Variants in URB1 observed in about 807,000 individuals in gnomAD.
URB1 encodes URB1 ribosome biogenesis factor.
Under a neutral mutation model 242.3 loss-of-function variants are expected in URB1, and 197 were observed. The observed-to-expected ratio is 0.81, with a 90% CI of 0.72 to 0.91. The LOEUF (loss-of-function observed/expected upper bound fraction) is 0.91. Ranked by LOEUF, URB1 falls within the 40% of genes least tolerant of loss-of-function variation. URB1 has a pLI of 0.00. For synonymous variants in URB1, 1,153 were observed against 1,201.8 expected (o/e 0.96, Z 0.84); for missense variants, 2,721 against 2,860.5 (o/e 0.95, Z 1.11).
Position 32,350,746 on chromosome 21 carries a change from C to T in URB1, c.2790G>A (p.Gln930=). 6.4e-7 allele frequency: 1 copy of T among 1,551,530 alleles called. No individual in the cohort carries two copies. The highest frequency in any genetic ancestry group is 8.7e-7 in the Non-Finnish European group (1 of 1,147,012). The change falls in exon 20 of 39, where the codon CAG becomes CAA. Residue 930 remains glutamine, a synonymous_variant. Transcript: ENST00000382751. Reference sequence around the variant, plus strand: ...CAGTGCTCCGCAGGTAGAGCAACACCTGCTTGGCCGCGAGCAGGACCTGCT... The same window carrying T: ...CAGTGCTCCGCAGGTAGAGCAACACTTGCTTGGCCGCGAGCAGGACCTGCT... ...SMQQVLLAAK[Q]VLLYLRSTVE... is the part of the protein sequence containing the mutation.
In URB1 at chr21:32,341,448, A is replaced by G; in HGVS notation, c.4316+18T>C. The G allele has an allele frequency of 6.4e-7, 1 of 1,551,280 alleles. No individual in the cohort carries two copies. Among genetic ancestry groups the G allele is most frequent in the East Asian group, 2.4e-5 (1 of 40,926 alleles). On this transcript the variant is annotated intron_variant, in intron 25 of 38. Coordinates refer to ENST00000382751, the MANE Select transcript of URB1 (RefSeq NM_014825.3). Reference sequence around the variant, plus strand: ...CACACCTTTACCGAAGGGCACCAAGAAAATAAAATCAACTTACTTGAGTCC... The same window carrying G: ...CACACCTTTACCGAAGGGCACCAAGGAAATAAAATCAACTTACTTGAGTCC...
intron 8 of URB1, among the ~76,000 whole-genome samples, chr21:32,372,093 G>A (rs1194766287): frequency 6.6e-6 from 1 of 152,168 alleles, no homozygotes; most frequent in Non-Finnish European, 1.5e-5. Context: ...ACCAGTGTAA[G>A]TGTCTCGACC....
At chr21:32,325,157 C>T (rs199752965) in intron 31 of URB1, 72 bp downstream of exon 31, 5 of 1,475,426 alleles carry the variant, frequency 3.4e-6, no homozygotes, top group East Asian at 5.0e-5. Flanking sequence ...TCTACCAAAC[C>T]GGGTGGACAG....
chr21:32,325,278 G>A lies in URB1; in HGVS notation c.5072C>T (p.Ala1691Val), dbSNP rs773258370. 104 of 1,551,704 alleles carry A rather than the reference G, an allele frequency of 6.7e-5. No individual in the cohort carries two copies. Among genetic ancestry groups the A allele is most frequent in the South Asian group, 3.0e-4 (25 of 84,062 alleles). Residue 1691 changes from alanine (A) to valine (V), a missense_variant, in exon 31 of 39, where the codon GCG becomes GTG. By Grantham distance (64) the Ala-to-Val change is moderately conservative (BLOSUM62 0). Transcript: ENST00000382751. ...GCCCTCCAAGTGCGAGTAGTAGGCC[G>A]CCAGGACATGGTAGGCTATGGCTCG... ...QMRAIAYHVL[A>V]AYYSHLEGAR...
Position 32,337,171 on chromosome 21 carries a change from C to G in URB1, c.4622-14G>C. On this transcript the variant is annotated splice_polypyrimidine_tract_variant and intron_variant, in intron 27 of 38. Transcript: ENST00000382751. The stretch of plus-strand genomic sequence containing the variant: ...AAATCTTCTGATCTACAAGTCAAAG[C>G]AGGATCGGTTTAGGAAGATGAACCC... 1 of 1,551,792 alleles carries G rather than the reference C, an allele frequency of 6.4e-7. No individual in the cohort carries two copies. The highest frequency in any genetic ancestry group is 1.2e-5 in the South Asian group (1 of 84,062).
intron 20 of URB1, 89 bp downstream of exon 20, chr21:32,350,615 G>C: frequency 1.4e-6 from 2 of 1,417,990 alleles, no homozygotes; most frequent in African/African-American, 1.4e-5. Flanking sequence ...GGGAGCAAGA[G>C]TGTGCTGGGC....
rs373131348 is a variant in URB1, at chr21:32,317,617, G to A, written c.6034+59C>T. ...GAGAGACAGAGAGAGAGGGAGGGAC[G>A]GACAGGGTGAGAGAGACATGTTGGC... On this transcript the variant is annotated intron_variant, in intron 37 of 38. Coordinates refer to ENST00000382751, the MANE Select transcript of URB1 (RefSeq NM_014825.3). 9.4e-5 allele frequency: 144 copies of A among 1,529,296 alleles called. No homozygotes were observed. In the African/African-American group the frequency reaches 1.6e-3, roughly 17 times the overall value. The allele number at this position is 1,529,296 out of a possible 1,614,324, so 94.7% of individuals were successfully genotyped here. A position where few individuals can be genotyped will look rare whatever the true frequency, so the allele number is the denominator to read the frequency against.
intron 25 of URB1, among the ~76,000 whole-genome samples, chr21:32,340,097 C>T (rs954196422): frequency 7.2e-5 from 11 of 152,332 alleles, no homozygotes; most frequent in African/African-American, 2.6e-4. Flanking sequence ...TATCATAATT[C>T]TGTGATGGTA....
chr21:32,311,944 G>A lies in URB1; in HGVS notation c.*2974C>T. The A allele has an allele frequency of 6.2e-7, 1 of 1,613,600 alleles. No individual in the cohort carries two copies. Among genetic ancestry groups the A allele is most frequent in the Non-Finnish European group, 8.5e-7 (1 of 1,180,040 alleles). On this transcript the variant is annotated 3_prime_UTR_variant, in exon 39 of 39. Transcript: ENST00000382751. ...CTCAATGGGGGTCCCCTCGTCAGGAGCAAGCCCAGCGAGCCTCCCCCTGGA... is the reference window on the plus strand; with the variant it reads ...CTCAATGGGGGTCCCCTCGTCAGGAACAAGCCCAGCGAGCCTCCCCCTGGA...
At chr21:32,382,135 G>A (rs1328983092) in intron 4 of URB1, among the ~76,000 whole-genome samples, 1 of 152,120 alleles carries the variant, frequency 6.6e-6, no homozygotes, top group Non-Finnish European at 1.5e-5. Context: ...CGCTGTCTGG[G>A]CTCCTAAAGT....
chr21:32,323,821 C>T (rs2032795422), intron 32 of URB1, among the ~76,000 whole-genome samples: 1 of 152,064 alleles, frequency 6.6e-6, no homozygotes, highest in Non-Finnish European at 1.5e-5. Flanking sequence ...AAAAATTAGC[C>T]AGGCGTGGTG....
At position 32,317,796 on chromosome 21, in the gene URB1, CT is replaced by C. The variant is rs2032711460; in HGVS notation, c.5913del (p.Val1972CysfsTer27). On this transcript the variant is annotated frameshift_variant, in exon 37 of 39. Transcript: ENST00000382751. LOFTEE classifies it high-confidence loss of function. ...ACAAGGACGTCCTTGGTGGAAAGCA[CT>C]GTCTCATTTACGGTGAATCTGTTCA... ...RDMNRFTVNE[T>X]VLSTKDVLVL... 1 of 1,551,872 alleles carries C rather than the reference CT, an allele frequency of 6.4e-7. No individual in the cohort carries two copies. The highest frequency in any genetic ancestry group is 1.4e-5 in the African/African-American group (1 of 73,062).
chr21:32,388,259 C>A (rs1383278129), intron 1 of URB1, among the ~76,000 whole-genome samples: 12 of 152,188 alleles, frequency 7.9e-5, no homozygotes, highest in Non-Finnish European at 1.6e-4. Flanking sequence ...GGAACAAGAA[C>A]AGAACCTACC....
At chr21:32,339,745 C>A (rs955713034) in intron 25 of URB1, among the ~76,000 whole-genome samples, 1 of 152,186 alleles carries the variant, frequency 6.6e-6, no homozygotes, top group African/African-American at 2.4e-5. Context: ...CCCGCCTCAG[C>A]CTCCCAAAGT....
intron 22 of URB1, among the ~76,000 whole-genome samples, chr21:32,345,851 CATG>C (rs1018063411): frequency 1.2e-4 from 19 of 152,274 alleles, no homozygotes; most frequent in South Asian, 8.3e-4. Context: ...TTTCTAAGCT[CATG>C]ATGAGACCAT....
chr21:32,346,915 A>T, intron 22 of URB1, 41 bp downstream of exon 22: 1 of 1,462,676 alleles, frequency 6.8e-7, no homozygotes, highest in Non-Finnish European at 9.1e-7. Context: ...TAGCCCGTGC[A>T]ACTTAAGACC....
At chr21:32,322,042 G>A (rs1396507147) in intron 33 of URB1, 98 bp from the exon 34 acceptor site, 20 of 1,395,622 alleles carry the variant, frequency 1.4e-5, no homozygotes, top group Non-Finnish European at 2.9e-6. Context: ...GGCAAAAGTT[G>A]TAACACAGCA....
intron 25 of URB1, among the ~76,000 whole-genome samples, chr21:32,339,511 G>A (rs2033003655): frequency 6.9e-6 from 1 of 144,112 alleles, no homozygotes; most frequent in Non-Finnish European, 1.5e-5. Context: ...TTTTTTTTGA[G>A]ACGGAGTCTC....
chr21:32,338,604 T>C, intron 26 of URB1, 103 bp downstream of exon 26: 1 of 1,309,570 alleles, frequency 7.6e-7, no homozygotes, highest in Non-Finnish European at 1.1e-6. Context: ...AATGCTTCCT[T>C]AGCTCCGAGA....
Sources: gnomAD v4.1 joint callset for allele counts (sites outside exome capture counted in the v4.1 genomes callset) on GRCh38, gnomAD v4.1.1 for gene constraint, MANE v1.5 for transcripts, NCBI Gene and HGNC (gene_info 2026-07-23, HGNC 2026-07-21) for gene names.